Variants in ACSM5 observed in about 807,000 individuals in gnomAD.
The protein encoded by ACSM5 is acyl-CoA synthetase medium chain family member 5.
Under a neutral mutation model 71.6 loss-of-function variants are expected in ACSM5, and 56 were observed. That is an observed-to-expected ratio of 0.78 (90% CI 0.63 to 0.98). ACSM5 has a LOEUF of 0.98. Among genes scored for constraint, ACSM5 ranks in the 50% least tolerant of loss-of-function variants. ACSM5 has a pLI of 0.00. For synonymous variants in ACSM5, 285 were observed against 281.5 expected, an observed-to-expected ratio of 1.01 and a Z score of -0.12; for missense variants, 723 against 726.0, an observed-to-expected ratio of 1.00 and a Z score of 0.05.
chr16:20,434,390 T>C (rs1290758466), intron 10 of ACSM5, among the ~76,000 whole-genome samples: 2 of 152,148 alleles, frequency 1.3e-5, no homozygotes, highest in East Asian at 1.9e-4. Flanking sequence ...GCTAATTTTG[T>C]CAGATATAAA....
At chr16:20,428,579 G>A (rs1462628003) in intron 7 of ACSM5, among the ~76,000 whole-genome samples, 4 of 152,142 alleles carry the variant, frequency 2.6e-5, no homozygotes, top group Non-Finnish European at 4.4e-5. Flanking sequence ...ATGAGGAGTC[G>A]TCCTCTCATC....
At chr16:20,423,752 G>T (rs929815903) in intron 5 of ACSM5, among the ~76,000 whole-genome samples, 164 bp from the exon 6 acceptor site, 2 of 152,246 alleles carry the variant, frequency 1.3e-5, no homozygotes, top group Admixed American at 6.5e-5. Flanking sequence ...GTACATGGAA[G>T]ATGCTGGTTG....
intron 2 of ACSM5, among the ~76,000 whole-genome samples, chr16:20,417,795 A>T (rs1311255825): frequency 6.6e-6 from 1 of 152,206 alleles, no homozygotes; most frequent in Non-Finnish European, 1.5e-5. Context: ...AAAAAAATAT[A>T]TGCTTGTGTT....
chr16:20,422,525 T>C (rs1966899763), intron 5 of ACSM5, among the ~76,000 whole-genome samples: 1 of 152,226 alleles, frequency 6.6e-6, no homozygotes, highest in South Asian at 2.1e-4. Flanking sequence ...TCTGTTAGAG[T>C]CTCTGCTTTT....
chr16:20,411,424 A>G, intron 1 of ACSM5, 46 bp from the exon 2 acceptor site: 3 of 1,554,544 alleles, frequency 1.9e-6, no homozygotes, highest in Non-Finnish European at 2.6e-6. Context: ...TTGTCCCCAA[A>G]GCCCAGAATT....
rs1481141371 is a variant in ACSM5, at chr16:20,419,251, A to T, written c.439A>T (p.Thr147Ser). Residue 147 changes from threonine to serine, a missense_variant, in exon 4 of 14, where the codon ACT becomes TCT. Coordinates refer to ENST00000331849, the MANE Select transcript of ACSM5 (RefSeq NM_017888.3). Reference protein sequence around the residue: ...RTGTVMIPGVTQLTEKDLKYR... With the variant: ...RTGTVMIPGVSQLTEKDLKYR... ...AGGGACTGTGATGATTCCGGGTGTG[A>T]CTCAGCTGACAGAGAAGGACCTCAA... The T allele has an allele frequency of 2.5e-6, 4 of 1,613,820 alleles. No individual in the cohort carries two copies. The highest frequency in any genetic ancestry group is 3.4e-6 in the Non-Finnish European group (4 of 1,179,992).
In ACSM5 at chr16:20,440,694, C is replaced by T. The variant is rs952651560; in HGVS notation, c.*267C>T. 2.0e-4 allele frequency: 80 copies of T among 400,518 alleles called. No individual in the cohort carries two copies. Among genetic ancestry groups the T allele is most frequent in the African/African-American group, 1.4e-3 (72 of 49,984 alleles). 24.8% of individuals were successfully genotyped at this position (400,518 alleles called of 1,614,324 possible). ...GTCTGGGGGCAGGCTCAGCATCTGC[C>T]CACTGGTCTCACTAAGAGCTTTCAG... On this transcript the variant is annotated 3_prime_UTR_variant, in exon 14 of 14. Transcript: ENST00000331849.
intron 2 of ACSM5, chr16:20,412,009 G>A (rs1966848764): frequency 1.5e-5 from 5 of 344,274 alleles, no homozygotes; most frequent in Admixed American, 8.4e-5. Flanking sequence ...CTGCTACTCT[G>A]TCTTTGATGT....
In ACSM5 at chr16:20,441,289, C is replaced by T. The variant is rs368914750; in HGVS notation, c.*862C>T. Reference sequence around the variant, plus strand: ...TTTCTGTATTTTCCAAGTTTTTGTACGAAGCACATACAACTATTTTAATGA... The same window carrying T: ...TTTCTGTATTTTCCAAGTTTTTGTATGAAGCACATACAACTATTTTAATGA... On this transcript the variant is annotated 3_prime_UTR_variant, in exon 14 of 14. Transcript: ENST00000331849. The T allele has an allele frequency of 5.9e-5, 9 of 152,148 alleles. No homozygotes were observed. Among genetic ancestry groups the T allele is most frequent in the Non-Finnish European group, 7.4e-5 (5 of 68,008 alleles). 9.4% of individuals were successfully genotyped at this position (152,148 alleles called of 1,614,324 possible).
At chr16:20,419,526 G>C in intron 4 of ACSM5, 91 bp downstream of exon 4, 1 of 1,295,762 alleles carries the variant, frequency 7.7e-7, no homozygotes, top group Non-Finnish European at 1.1e-6. Context: ...TCCACACATA[G>C]AGAGCGAATC....
At chr16:20,427,028 C>T (rs184279739) in intron 6 of ACSM5, among the ~76,000 whole-genome samples, 3 of 139,610 alleles carry the variant, frequency 2.1e-5, no homozygotes, top group East Asian at 2.4e-4. Flanking sequence ...GGTGGCCGGG[C>T]ACAGTGGTTC....
At chr16:20,417,217 A>G (rs1162315786) in intron 2 of ACSM5, among the ~76,000 whole-genome samples, 1 of 152,216 alleles carries the variant, frequency 6.6e-6, no homozygotes, top group African/African-American at 2.4e-5. Flanking sequence ...ATCCAAGACA[A>G]TAGAAAACAT....
At chr16:20,428,671 T>C (rs1967036306) in intron 7 of ACSM5, among the ~76,000 whole-genome samples, 1 of 152,180 alleles carries the variant, frequency 6.6e-6, no homozygotes, top group Admixed American at 6.5e-5. Flanking sequence ...TCTTCTCCAA[T>C]GTAAGAAAAT....
chr16:20,415,194 C>G (rs1381383135), intron 2 of ACSM5, among the ~76,000 whole-genome samples: 1 of 152,106 alleles, frequency 6.6e-6, no homozygotes, highest in African/African-American at 2.4e-5. Context: ...AGAGCCAGAA[C>G]CTGGTGGTTT....
intron 6 of ACSM5, among the ~76,000 whole-genome samples, chr16:20,424,539 T>C (rs2141650624): frequency 6.9e-6 from 1 of 144,018 alleles, no homozygotes; most frequent in South Asian, 2.1e-4. Flanking sequence ...GTCACCTTTC[T>C]TCCACCCCCC....
intron 6 of ACSM5, among the ~76,000 whole-genome samples, chr16:20,426,172 T>G (rs1445810734): frequency 1.3e-5 from 2 of 152,250 alleles, no homozygotes. Flanking sequence ...TAGTAGATTC[T>G]TAACCCATAT....
At chr16:20,421,644 TATATATATATATACAC>T (rs1337593369) in intron 5 of ACSM5, among the ~76,000 whole-genome samples, 4 of 140,490 alleles carry the variant, frequency 2.8e-5, no homozygotes, top group African/African-American at 8.4e-5. Context: ...TATATATATA[TATATATATATATACAC>T]ACACACATAT....
In ACSM5 at chr16:20,423,934, C is replaced by T. The variant is rs752808144; in HGVS notation, c.786C>T (p.Thr262=). 16 of 1,613,868 alleles carry T rather than the reference C, an allele frequency of 9.9e-6. No individual in the cohort carries two copies. In the Middle Eastern group the frequency reaches 8.2e-4, roughly 83 times the overall value. Residue 262 remains threonine, a synonymous_variant, in exon 6 of 14, where the codon ACC becomes ACT. Transcript: ENST00000331849. Reference sequence around the variant, plus strand: ...TTGGCAGACGGTGGGTGGCCTTGACCGAATCTGACATCTTCTGGAACACGA... The same window carrying T: ...TTGGCAGACGGTGGGTGGCCTTGACTGAATCTGACATCTTCTGGAACACGA... The part of the protein sequence containing the change: ...VASGRRWVAL[T]ESDIFWNTTD...
intron 12 of ACSM5, among the ~76,000 whole-genome samples, 176 bp downstream of exon 12, chr16:20,437,543 A>G (rs1452750880): frequency 6.6e-6 from 1 of 151,950 alleles, no homozygotes; most frequent in Non-Finnish European, 1.5e-5. Flanking sequence ...ATTACTCTCT[A>G]AAGGGACATA....
Sources: gnomAD v4.1 joint callset for allele counts (sites outside exome capture counted in the v4.1 genomes callset) on GRCh38, gnomAD v4.1.1 for gene constraint, MANE v1.5 for transcripts, NCBI Gene and HGNC (gene_info 2026-07-23, HGNC 2026-07-21) for gene names.